Variants in RIMBP2 observed in about 807,000 individuals in gnomAD.
RIMBP2 encodes the protein RIMS binding protein 2.
In RIMBP2, 48 loss-of-function variants were observed where a neutral mutation model predicts 118.6. The ratio of observed to expected loss-of-function variants is 0.40; its 90% CI spans 0.32 to 0.51. The LOEUF (loss-of-function observed/expected upper bound fraction) is 0.51, where lower values mean the gene tolerates loss of function less well. RIMBP2 is among the 20% of genes least tolerant of loss of function. RIMBP2 has a pLI of 0.41. For synonymous variants in RIMBP2, 762 were observed against 742.9 expected (o/e 1.03, Z -0.42); for missense variants, 1,551 against 1,768.3 (o/e 0.88, Z 2.20).
rs114827966 is a variant in RIMBP2, at chr12:130,621,434, G to A, written c.-217+6888C>T. 9.7e-4 allele frequency among the ~76,000 whole-genome samples: 147 copies of A among 152,250 alleles called. 1 individual carries two copies. The highest frequency in any genetic ancestry group is 3.1e-3 in the South Asian group (15 of 4,820). ...AAAGGATGGAGATTCCCAAAACATCGGCAGAGTTCCTGGACGTAGCCGTTC... is the reference window on the plus strand; with the variant it reads ...AAAGGATGGAGATTCCCAAAACATCAGCAGAGTTCCTGGACGTAGCCGTTC... On this transcript the variant is annotated intron_variant, in intron 2 of 22. Transcript: ENST00000690449. The surrounding 1 kb of genome is among the most constrained non-coding windows in gnomAD (Gnocchi z 6.6).
At position 130,434,542 on chromosome 12, in the gene RIMBP2, A is replaced by G. The variant is rs138758004; in HGVS notation, c.2253+192T>C. Among the ~76,000 whole-genome samples the G allele has an allele frequency of 1.6e-3, 249 of 152,216 alleles. No individual in the cohort carries two copies. Among genetic ancestry groups the G allele is most frequent in the African/African-American group, 5.8e-3 (239 of 41,552 alleles). On this transcript the variant is annotated intron_variant, in intron 14 of 22. Transcript: ENST00000690449. This position sits in a 1 kb window ranked among gnomAD's most constrained non-coding sequence, Gnocchi z 5.7. ...ACTTCGACTTTTTCAATTATCCCCA[A>G]TGAGGGTATGTGACAGGCATTAAAT...
intron 2 of RIMBP2, among the ~76,000 whole-genome samples, chr12:130,579,370 G>C (rs1035757260): frequency 6.6e-6 from 1 of 152,146 alleles, no homozygotes; most frequent in Non-Finnish European, 1.5e-5. Context: ...AAAACCCTGG[G>C]CCCTGACTCT....
At chr12:130,631,562 G>A (rs2061995413) in intron 1 of RIMBP2, among the ~76,000 whole-genome samples, 1 of 152,000 alleles carries the variant, frequency 6.6e-6, no homozygotes, top group Non-Finnish European at 1.5e-5. Context: ...ACAAACAGAA[G>A]TGTCTCCCAA....
chr12:130,433,737 G>C (rs1385588879), intron 14 of RIMBP2, among the ~76,000 whole-genome samples: 1 of 152,148 alleles, frequency 6.6e-6, no homozygotes, highest in Non-Finnish European at 1.5e-5. Flanking sequence ...ATAGGACGGT[G>C]TGATTATTGG....
chr12:130,535,847 C>T (rs916197756), intron 2 of RIMBP2, among the ~76,000 whole-genome samples: 1 of 150,634 alleles, frequency 6.6e-6, no homozygotes, highest in East Asian at 1.9e-4. Context: ...GGTACAATTT[C>T]AGCTCACTAC....
In RIMBP2 at chr12:130,621,799, G is replaced by T. The variant is rs1426788984; in HGVS notation, c.-217+6523C>A. ...TCCAAAACTCTTGCCAAACACATTT[G>T]TACTCTACCCTTTTACTGCCCTTGA... On this transcript the variant is annotated intron_variant, in intron 2 of 22. Transcript: ENST00000690449. The surrounding 1 kb of genome is among the most constrained non-coding windows in gnomAD (Gnocchi z 6.6). Among the ~76,000 whole-genome samples the T allele has an allele frequency of 6.6e-6, 1 of 152,106 alleles. No individual in the cohort carries two copies. The highest frequency in any genetic ancestry group is 2.4e-5 in the African/African-American group (1 of 41,422).
Position 130,399,596 on chromosome 12 carries a change from TA to T in RIMBP2, c.3900+82del, listed in dbSNP as rs1565975628. The T allele has an allele frequency of 9.4e-6, 14 of 1,491,330 alleles. 1 individual carries two copies. Among genetic ancestry groups the T allele is most frequent in the East Asian group, 4.6e-5 (2 of 43,848 alleles). 92.4% of individuals were successfully genotyped at this position (1,491,330 alleles called of 1,614,324 possible). Reference sequence around the variant, plus strand: ...TATTTACGCTTTTCGGCCCAAGATATAAAAATATCAGTGCAAAGATTGTATT... The same window carrying T: ...TATTTACGCTTTTCGGCCCAAGATATAAAATATCAGTGCAAAGATTGTATT... On this transcript the variant is annotated intron_variant, in intron 22 of 22. Coordinates refer to ENST00000690449, the MANE Select transcript of RIMBP2 (RefSeq NM_001393629.1).
chr12:130,469,890 C>T lies in RIMBP2; in HGVS notation c.153+803G>A, dbSNP rs1350309096. 1.3e-5 allele frequency among the ~76,000 whole-genome samples: 2 copies of T among 152,164 alleles called. No homozygotes were observed. Among genetic ancestry groups the T allele is most frequent in the Non-Finnish European group, 2.9e-5 (2 of 68,024 alleles). ...TGGTGAATTACACGATCCTTGACTT[C>T]GGCAGGTGGGGGCCCCAGCTCACTG... On this transcript the variant is annotated intron_variant, in intron 6 of 22. Transcript: ENST00000690449. The surrounding 1 kb of genome is among the most constrained non-coding windows in gnomAD (Gnocchi z 4.8).
chr12:130,428,337 G>A lies in RIMBP2; in HGVS notation c.2254C>T (p.Pro752Ser). The A allele has an allele frequency of 6.2e-7, 1 of 1,603,432 alleles. No homozygotes were observed. The highest frequency in any genetic ancestry group is 8.5e-7 in the Non-Finnish European group (1 of 1,174,634). The change falls in exon 15 of 23, where the codon CCG (proline) becomes TCG (serine). Residue 752 changes from proline to serine, a missense_variant and splice_region_variant. Around this residue, in one of 5 missense-constraint regions of RIMBP2, gnomAD observed 1,038 missense variants for 1,125.1 expected, o/e 0.92. Coordinates refer to ENST00000690449, the MANE Select transcript of RIMBP2 (RefSeq NM_001393629.1). ...TACTCGTCTCCATGGCAACAGTGCGGCTGGGGGCCAAGAAAAGGGGCTACT... is the reference window on the plus strand; with the variant it reads ...TACTCGTCTCCATGGCAACAGTGCGACTGGGGGCCAAGAAAAGGGGCTACT... Reference protein sequence around the residue: ...FLKGSELGKQPHCCHGDEYHT... With the variant: ...FLKGSELGKQSHCCHGDEYHT...
intron 1 of RIMBP2, chr12:130,668,518 C>A (rs1462309291): frequency 6.6e-6 from 1 of 152,412 alleles, no homozygotes; most frequent in African/African-American, 2.4e-5. Flanking sequence ...ATGGTCAGAT[C>A]CTGGGGTCCA....
At chr12:130,516,259 C>G (rs1156471553) in intron 3 of RIMBP2, among the ~76,000 whole-genome samples, 1 of 152,216 alleles carries the variant, frequency 6.6e-6, no homozygotes, top group East Asian at 1.9e-4. Context: ...TATTTAATCA[C>G]TAGAGCTCAG....
chr12:130,559,241 C>T (rs544161722), intron 2 of RIMBP2, among the ~76,000 whole-genome samples: 1 of 152,256 alleles, frequency 6.6e-6, no homozygotes, highest in African/African-American at 2.4e-5. Context: ...CACCATGTTG[C>T]ACAGGCAGTT....
chr12:130,504,525 G>T (rs151258589), intron 4 of RIMBP2, among the ~76,000 whole-genome samples: 7 of 152,036 alleles, frequency 4.6e-5, no homozygotes, highest in African/African-American at 1.7e-4. Flanking sequence ...AAGGTGGAGC[G>T]CGAGGCCCTG....
At chr12:130,460,658 G>A (rs1040307398) in intron 6 of RIMBP2, among the ~76,000 whole-genome samples, 4 of 152,096 alleles carry the variant, frequency 2.6e-5, no homozygotes, top group Non-Finnish European at 5.9e-5. Context: ...ACAGTTTGGT[G>A]TTAGTATTAG....
chr12:130,501,818 T>C (rs1311972696), intron 4 of RIMBP2, among the ~76,000 whole-genome samples: 2 of 152,208 alleles, frequency 1.3e-5, no homozygotes, highest in Non-Finnish European at 2.9e-5. Context: ...AATTCTTCCC[T>C]GGGCAAAGCC....
chr12:130,525,702 G>C lies in RIMBP2; in HGVS notation c.-216-7785C>G, dbSNP rs997590859. 1.3e-5 allele frequency among the ~76,000 whole-genome samples: 2 copies of C among 152,162 alleles called. No homozygotes were observed. The highest frequency in any genetic ancestry group is 4.8e-5 in the African/African-American group (2 of 41,432). ...ACTTGGGGATGAGATCGTATGGGGG[G>C]AGATGACCCAAGGGGCTCATGTTGG... On this transcript the variant is annotated intron_variant, in intron 2 of 22. Transcript: ENST00000690449. The surrounding 1 kb of genome is among the most constrained non-coding windows in gnomAD (Gnocchi z 4.4).
At chr12:130,404,354 A>AT (rs1328995199) in intron 21 of RIMBP2, among the ~76,000 whole-genome samples, 2 of 152,108 alleles carry the variant, frequency 1.3e-5, no homozygotes, top group African/African-American at 4.8e-5. Context: ...CTGGAGTGCA[A>AT]TGGCATGATC....
intron 1 of RIMBP2, among the ~76,000 whole-genome samples, chr12:130,652,250 T>G (rs1308063487): frequency 1.3e-5 from 2 of 152,244 alleles, no homozygotes; most frequent in African/African-American, 4.8e-5. Flanking sequence ...AAATGAAGTT[T>G]TGTTGGAACA....
At chr12:130,592,445 C>T (rs1450969926) in intron 2 of RIMBP2, among the ~76,000 whole-genome samples, 1 of 152,076 alleles carries the variant, frequency 6.6e-6, no homozygotes, top group African/African-American at 2.4e-5. Flanking sequence ...AATCCCAGCA[C>T]TCTGGGAGGC....
Sources: allele counts gnomAD v4.1 joint callset (sites outside exome capture counted in the v4.1 genomes callset), GRCh38; gene constraint gnomAD v4.1.1; regional missense constraint gnomAD v4.1.1; non-coding constraint Gnocchi (gnomAD v3.1); transcripts MANE v1.5; gene names NCBI Gene and HGNC (gene_info 2026-07-23, HGNC 2026-07-21).